The following SAXO1 variants were observed in gnomAD, a reference collection of about 807,000 sequenced individuals.
SAXO1 encodes the protein 4930500O09Rik.
Under a neutral mutation model 17.5 loss-of-function variants are expected in SAXO1, and 21 were observed. The observed-to-expected ratio is 1.20, with a 90% CI of 0.85 to 1.72. SAXO1 has a LOEUF of 1.72. Among genes scored for constraint, SAXO1 ranks in the 40% most tolerant of loss-of-function variants. The pLI is 0.00. For synonymous variants in SAXO1, 274 were observed against 216.5 expected, an observed-to-expected ratio of 1.27 and a Z score of -2.33; for missense variants, 843 against 596.0, an observed-to-expected ratio of 1.41 and a Z score of -4.32.
chr9:19,024,956 A>G (rs1182382675), intron 1 of SAXO1, among the ~76,000 whole-genome samples: 1 of 152,200 alleles, frequency 6.6e-6, no homozygotes, highest in Non-Finnish European at 1.5e-5. Flanking sequence ...GCAGACTATA[A>G]GGTCGAATAG....
chr9:19,000,087 G>C (rs930147708), intron 1 of SAXO1, among the ~76,000 whole-genome samples: 2 of 148,024 alleles, frequency 1.4e-5, no homozygotes, highest in East Asian at 2.1e-4. Flanking sequence ...CCTCTACCCA[G>C]CCGCCCCACC....
rs1201911249 is a variant in SAXO1 at position 18,964,948 on chromosome 9, G to A, written c.39-14011C>T. On this transcript the variant is annotated intron_variant, in intron 1 of 3. Transcript: ENST00000380534. ...TTAGCTGTATCCCAGAGATTCTGGT[G>A]CATTGTCTCTTTGTTCTCATTGGTT... Among the ~76,000 whole-genome samples, 3 of 152,170 alleles carry A rather than the reference G, an allele frequency of 2.0e-5. No homozygotes were observed. In the East Asian group the frequency reaches 5.8e-4, roughly 29 times the overall value.
chr9:18,931,838 T>A lies in SAXO1; in HGVS notation c.422-2783A>T, dbSNP rs535558660. Reference sequence around the variant, plus strand: ...TGCTTTCATTGGTAAAATATTGAGATGTTTTGCCCATTTTAAAATTAGATT... The same window carrying A: ...TGCTTTCATTGGTAAAATATTGAGAAGTTTTGCCCATTTTAAAATTAGATT... On this transcript the variant is annotated intron_variant, in intron 3 of 3. Transcript: ENST00000380534. Among the ~76,000 whole-genome samples, 4 of 152,354 alleles carry A rather than the reference T, an allele frequency of 2.6e-5. No homozygotes were observed. In the South Asian group the frequency reaches 8.3e-4, roughly 32 times the overall value.
chr9:19,010,510 G>A (rs1834684659), intron 1 of SAXO1, among the ~76,000 whole-genome samples: 1 of 151,316 alleles, frequency 6.6e-6, no homozygotes, highest in African/African-American at 2.4e-5. Flanking sequence ...TAGTCTTTTA[G>A]AACCTGGCCA....
chr9:18,968,775 G>A (rs1290215284), intron 1 of SAXO1, among the ~76,000 whole-genome samples: 1 of 152,066 alleles, frequency 6.6e-6, no homozygotes, highest in Non-Finnish European at 1.5e-5. Flanking sequence ...TGTATTTTTA[G>A]TAGAGATGGG....
intron 1 of SAXO1, among the ~76,000 whole-genome samples, chr9:18,976,649 C>T (rs1588467928): frequency 6.6e-6 from 1 of 152,172 alleles, no homozygotes; most frequent in East Asian, 1.9e-4. Context: ...GCACTCTTTA[C>T]GAGGTTAATT....
In SAXO1 at chr9:18,950,954, G is replaced by C. The variant is rs756037737; in HGVS notation, c.39-17C>G. On this transcript the variant is annotated splice_polypyrimidine_tract_variant and intron_variant, in intron 1 of 3. Transcript: ENST00000380534. The stretch of plus-strand genomic sequence containing the variant: ...TGATGCCGCCTATAAAAGACACAGA[G>C]TTAGGTTGATTACCTTCTTGGGAGA... The C allele has an allele frequency of 1.6e-5, 26 of 1,599,076 alleles. No individual in the cohort carries two copies. Among genetic ancestry groups the C allele is most frequent in the Non-Finnish European group, 2.1e-5 (25 of 1,171,428 alleles).
upstream of SAXO1, among the ~76,000 whole-genome samples, chr9:19,034,321 T>A (rs1204118570): frequency 2.0e-5 from 3 of 151,724 alleles, no homozygotes; most frequent in Admixed American, 2.0e-4. Context: ...AGAATAGAGG[T>A]CAGCAAACTA....
Position 18,928,701 on chromosome 9 carries a change from G to C in SAXO1, c.776C>G (p.Ala259Gly). 1.2e-6 allele frequency: 2 copies of C among 1,614,060 alleles called. No individual in the cohort carries two copies. The highest frequency in any genetic ancestry group is 2.2e-5 in the East Asian group (1 of 44,876). Reference protein sequence around the residue: ...GEPAKSLKPLARPPGLDMPFC... With the variant: ...GEPAKSLKPLGRPPGLDMPFC... ...AGGCATGTCTAGCCCAGGAGGCCTGGCTAGAGGTTTCAAGCTCTTGGCAGG... is the reference window on the plus strand; with the variant it reads ...AGGCATGTCTAGCCCAGGAGGCCTGCCTAGAGGTTTCAAGCTCTTGGCAGG... The change falls in exon 4 of 4, where the codon GCC becomes GGC. Residue 259 changes from alanine (A) to glycine (G), a missense_variant. Physicochemically the swap from Ala to Gly is moderately conservative, Grantham distance 60. Coordinates refer to ENST00000380534, the MANE Select transcript of SAXO1 (RefSeq NM_153707.4).
intron 1 of SAXO1, chr9:19,027,333 C>T: frequency 1.3e-6 from 1 of 795,918 alleles, no homozygotes; most frequent in Non-Finnish European, 2.3e-6. Flanking sequence ...CCTGGAGACA[C>T]TGCCCAGAGT....
chr9:19,018,544 C>T (rs1835090670), intron 1 of SAXO1, among the ~76,000 whole-genome samples: 1 of 152,224 alleles, frequency 6.6e-6, no homozygotes, highest in African/African-American at 2.4e-5. Flanking sequence ...GCCTGAAATA[C>T]ATTTCCCACA....
intron 3 of SAXO1, among the ~76,000 whole-genome samples, chr9:18,934,744 T>TG (rs1831215943): frequency 6.6e-6 from 1 of 152,230 alleles, no homozygotes; most frequent in South Asian, 2.1e-4. Context: ...ACAATTTTTT[T>TG]GTGTAAAACA....
chr9:19,033,079 G>T lies in SAXO1; in HGVS notation c.-171C>A. The T allele has an allele frequency of 1.6e-6, 1 of 627,210 alleles. No homozygotes were observed. The highest frequency in any genetic ancestry group is 2.6e-6 in the Non-Finnish European group (1 of 390,848). 38.9% of individuals were successfully genotyped at this position (627,210 alleles called of 1,614,324 possible). A position where few individuals can be genotyped will look rare whatever the true frequency, so the allele number is the denominator to read the frequency against. On this transcript the variant is annotated 5_prime_UTR_variant, in exon 1 of 4. Transcript: ENST00000380534. ...CTTTTGCAATGTCCTGTCGTCTGTT[G>T]CCCTCCTGGAGCTGGCCTAGCGCGA...
At chr9:18,982,465 A>G (rs1223564935) in intron 1 of SAXO1, among the ~76,000 whole-genome samples, 1 of 152,182 alleles carries the variant, frequency 6.6e-6, no homozygotes, top group Non-Finnish European at 1.5e-5. Context: ...GCAAAGTACA[A>G]TGAAACACAC....
chr9:19,001,840 G>C (rs201257176), intron 1 of SAXO1, among the ~76,000 whole-genome samples: 2 of 151,630 alleles, frequency 1.3e-5, no homozygotes, highest in African/African-American at 2.4e-5. Flanking sequence ...AAAGAACTAG[G>C]GAAGCAAGAG....
At chr9:18,966,727 C>T (rs1288250720) in intron 1 of SAXO1, among the ~76,000 whole-genome samples, 2 of 152,216 alleles carry the variant, frequency 1.3e-5, no homozygotes, top group African/African-American at 4.8e-5. Flanking sequence ...TATTCACCTT[C>T]TGAAGCCTAC....
At chr9:18,936,666 T>C (rs902417528) in intron 3 of SAXO1, among the ~76,000 whole-genome samples, 1 of 152,228 alleles carries the variant, frequency 6.6e-6, no homozygotes, top group South Asian at 2.1e-4. Flanking sequence ...AAACTATTCA[T>C]ATGCCAGTAA....
intron 1 of SAXO1, among the ~76,000 whole-genome samples, chr9:19,005,246 T>C (rs771106684): frequency 6.6e-6 from 1 of 152,120 alleles, no homozygotes; most frequent in Non-Finnish European, 1.5e-5. Flanking sequence ...CCTATCAAAA[T>C]CTGTGGCCTT....
intron 1 of SAXO1, among the ~76,000 whole-genome samples, chr9:18,971,468 T>C (rs779223594): frequency 3.9e-5 from 6 of 152,168 alleles, no homozygotes; most frequent in Non-Finnish European, 7.3e-5. Context: ...AAAGTTAATT[T>C]AAACAATGAA....
Sources: allele counts gnomAD v4.1 joint callset (sites outside exome capture counted in the v4.1 genomes callset), GRCh38; gene constraint gnomAD v4.1.1; transcripts MANE v1.5; gene names NCBI Gene and HGNC (gene_info 2026-07-23, HGNC 2026-07-21).